SLC6A11: variants seen among roughly 807,000 people sequenced by gnomAD.
SLC6A11 encodes sodium- and chloride-dependent GABA transporter 3.
A neutral mutation model predicts 74.8 loss-of-function variants in SLC6A11; 25 were observed. That is an observed-to-expected ratio of 0.33 (90% CI 0.24 to 0.47). The LOEUF (loss-of-function observed/expected upper bound fraction) is 0.47, where lower values mean the gene tolerates loss of function less well. Ranked by LOEUF, SLC6A11 falls within the 20% of genes least tolerant of loss-of-function variation. SLC6A11 has a pLI of 1.00. For missense variants in SLC6A11, 574 were observed against 837.0 expected (o/e 0.69, Z 3.88); for synonymous variants, 330 against 330.2 (o/e 1.00, Z 0.01).
intron 6 of SLC6A11, among the ~76,000 whole-genome samples, chr3:10,899,963 G>A (rs1448507432): frequency 1.3e-5 from 2 of 152,216 alleles, no homozygotes; most frequent in African/African-American, 4.8e-5. Flanking sequence ...GCAGGTTTCT[G>A]CTCGCTCACT....
chr3:10,841,361 A>G (rs1439997107), intron 4 of SLC6A11, among the ~76,000 whole-genome samples: 1 of 152,140 alleles, frequency 6.6e-6, no homozygotes, highest in African/African-American at 2.4e-5. Context: ...TGAGTGCCCC[A>G]GCCCCCATCC....
chr3:10,847,816 T>C (rs1167055236), intron 5 of SLC6A11, among the ~76,000 whole-genome samples: 2 of 152,120 alleles, frequency 1.3e-5, no homozygotes, highest in African/African-American at 4.8e-5. Flanking sequence ...CATCCAAAGG[T>C]TTTTTGGAGT....
At chr3:10,876,689 CAA>C (rs2106606085) in intron 6 of SLC6A11, among the ~76,000 whole-genome samples, 1 of 109,274 alleles carries the variant, frequency 9.2e-6, no homozygotes, top group Admixed American at 1.1e-4. Flanking sequence ...TTCTTATAAT[CAA>C]AAAAGTTTGG....
intron 6 of SLC6A11, among the ~76,000 whole-genome samples, chr3:10,893,155 G>T (rs756883518): frequency 1.3e-5 from 2 of 152,104 alleles, no homozygotes; most frequent in African/African-American, 4.8e-5. Context: ...CCTGTTTGGA[G>T]CTTTAAAGAA....
At chr3:10,892,767 C>G (rs1235732134) in intron 6 of SLC6A11, among the ~76,000 whole-genome samples, 1 of 151,470 alleles carries the variant, frequency 6.6e-6, no homozygotes, top group East Asian at 1.9e-4. Flanking sequence ...GATGATTTAC[C>G]TGTGGTCATG....
chr3:10,929,342 G>T lies in SLC6A11; in HGVS notation c.1371+3G>T. ...TGGGCCTCGTGATGTTAACAGAGGT[G>T]AGTGGCATGGTTCGGGCCGCACGGG... On this transcript the variant is annotated splice_donor_region_variant and intron_variant, in intron 10 of 13. Transcript: ENST00000254488. The T allele has an allele frequency of 6.2e-7, 1 of 1,613,836 alleles. No individual in the cohort carries two copies. Among genetic ancestry groups the T allele is most frequent in the Non-Finnish European group, 8.5e-7 (1 of 1,179,834 alleles).
chr3:10,879,255 C>A (rs1694946830), intron 6 of SLC6A11, among the ~76,000 whole-genome samples: 1 of 152,050 alleles, frequency 6.6e-6, no homozygotes, highest in Admixed American at 6.5e-5. Context: ...GTGTGTGTCC[C>A]AAAAGCAACT....
In SLC6A11 at chr3:10,934,081, A is replaced by G. The variant is rs925442588; in HGVS notation, c.1490A>G (p.Tyr497Cys). Residue 497 changes from tyrosine to cysteine, a missense_variant, in exon 12 of 14, where the codon TAT becomes TGT. Tyr to Cys is a radical substitution (Grantham distance 194). Transcript: ENST00000254488. ...TTCCGGACAGGAAGCAACCGGTTCT[A>G]TGATAACATTGAAGACATGATTGGC... is the stretch of plus-strand genomic sequence containing the variant. ...IGWVYGSNRF[Y>C]DNIEDMIGYR... 3.7e-6 allele frequency: 6 copies of G among 1,613,132 alleles called. No homozygotes were observed. The highest frequency in any genetic ancestry group is 1.6e-4 in the Middle Eastern group (1 of 6,084).
At chr3:10,911,755 G>C (rs1695390906) in intron 6 of SLC6A11, among the ~76,000 whole-genome samples, 1 of 152,130 alleles carries the variant, frequency 6.6e-6, no homozygotes, top group Admixed American at 6.5e-5. Context: ...CTACTTTGCT[G>C]ATAAGGAAAC....
chr3:10,859,360 GGA>G (rs1242928602), intron 5 of SLC6A11, among the ~76,000 whole-genome samples: 2 of 152,200 alleles, frequency 1.3e-5, no homozygotes, highest in Admixed American at 6.5e-5. Context: ...TAGGCGAAAT[GGA>G]GAAATATGGT....
intron 6 of SLC6A11, among the ~76,000 whole-genome samples, chr3:10,905,662 C>A (rs898746542): frequency 6.6e-6 from 1 of 152,142 alleles, no homozygotes; most frequent in Non-Finnish European, 1.5e-5. Flanking sequence ...CATTTGGAGC[C>A]ATGTTGCATT....
chr3:10,835,071 C>T (rs1321704792), intron 4 of SLC6A11, among the ~76,000 whole-genome samples: 1 of 152,240 alleles, frequency 6.6e-6, no homozygotes, highest in Non-Finnish European at 1.5e-5. Context: ...TCGCGCCTAT[C>T]CTGGCCACCA....
At chr3:10,859,552 G>C (rs1343243339) in intron 5 of SLC6A11, among the ~76,000 whole-genome samples, 2 of 152,172 alleles carry the variant, frequency 1.3e-5, no homozygotes, top group Non-Finnish European at 2.9e-5. Context: ...GTGTGCAGTG[G>C]AATCGTTAGC....
chr3:10,887,618 G>C (rs149634952), intron 6 of SLC6A11, among the ~76,000 whole-genome samples: 1 of 151,974 alleles, frequency 6.6e-6, no homozygotes, highest in African/African-American at 2.4e-5. Context: ...GCTAATTTTT[G>C]TATTTTTAGT....
chr3:10,848,311 G>A (rs1322263649), intron 5 of SLC6A11, among the ~76,000 whole-genome samples: 2 of 152,218 alleles, frequency 1.3e-5, no homozygotes, highest in Non-Finnish European at 2.9e-5. Context: ...CCCAAATGGG[G>A]CTATAAGAAC....
Position 10,819,697 on chromosome 3 carries a change from C to G in SLC6A11, c.392-15C>G, listed in dbSNP as rs1694112445. The stretch of plus-strand genomic sequence containing the variant: ...AAGATAGACTCAAATTCCTTCCTTT[C>G]TTTTGTCCTTTCAGGCATTGGCTAT... On this transcript the variant is annotated splice_polypyrimidine_tract_variant and intron_variant, in intron 2 of 13. Transcript: ENST00000254488. 6.2e-7 allele frequency: 1 copy of G among 1,613,000 alleles called. No homozygotes were observed. Among genetic ancestry groups the G allele is most frequent in the Non-Finnish European group, 8.5e-7 (1 of 1,179,540 alleles).
chr3:10,833,344 G>A (rs550361572), intron 4 of SLC6A11, among the ~76,000 whole-genome samples: 1 of 152,346 alleles, frequency 6.6e-6, no homozygotes, highest in African/African-American at 2.4e-5. Context: ...TTACAGGCAT[G>A]AGCCACCATG....
chr3:10,885,978 C>T (rs149110176), intron 6 of SLC6A11, among the ~76,000 whole-genome samples: 1 of 152,268 alleles, frequency 6.6e-6, no homozygotes, highest in Non-Finnish European at 1.5e-5. Context: ...CAGCTGTTCC[C>T]ACTGTCCTCA....
chr3:10,937,864 A>C (rs1331718544), intron 13 of SLC6A11, among the ~76,000 whole-genome samples: 2 of 152,160 alleles, frequency 1.3e-5, no homozygotes, highest in African/African-American at 2.4e-5. Context: ...CTGGAGATGC[A>C]TTACCACCCA....
Sources: allele counts gnomAD v4.1 joint callset (sites outside exome capture counted in the v4.1 genomes callset), GRCh38; gene constraint gnomAD v4.1.1; transcripts MANE v1.5; gene names NCBI Gene and HGNC (gene_info 2026-07-23, HGNC 2026-07-21).